The following NCOR2 variants were observed in gnomAD, a reference collection of about 807,000 sequenced individuals.
NCOR2 encodes nuclear receptor corepressor 2.
A neutral mutation model predicts 262.9 loss-of-function variants in NCOR2; 81 were observed. The observed-to-expected ratio is 0.31, with a 90% CI of 0.26 to 0.37. NCOR2 has a LOEUF of 0.37. Ranked by LOEUF, NCOR2 falls within the 10% of genes least tolerant of loss-of-function variation. The pLI is 1.00. For synonymous variants in NCOR2, 1,659 were observed against 1,559.3 expected, an observed-to-expected ratio of 1.06 and a Z score of -1.51; for missense variants, 3,385 against 3,621.4, an observed-to-expected ratio of 0.93 and a Z score of 1.68.
At chr12:124,358,204 G>A (rs1486519516) in intron 22 of NCOR2, among the ~76,000 whole-genome samples, 4 of 148,490 alleles carry the variant, frequency 2.7e-5, no homozygotes, top group Admixed American at 6.7e-5. Flanking sequence ...GTGTGTGCGC[G>A]TGCATGTGCA....
At chr12:124,462,925 C>T (rs541839449) in intron 5 of NCOR2, among the ~76,000 whole-genome samples, 7 of 152,272 alleles carry the variant, frequency 4.6e-5, no homozygotes, top group South Asian at 2.1e-4. Flanking sequence ...TGCTGATTTC[C>T]GCATTACTCA....
intron 8 of NCOR2, among the ~76,000 whole-genome samples, chr12:124,431,384 G>A (rs1277397343): frequency 6.7e-6 from 1 of 149,046 alleles, no homozygotes; most frequent in East Asian, 2.0e-4. Context: ...CAGTCACATG[G>A]CAGACACACA....
intron 5 of NCOR2, among the ~76,000 whole-genome samples, chr12:124,464,914 G>A (rs1274076431): frequency 1.3e-5 from 2 of 152,218 alleles, no homozygotes; most frequent in African/African-American, 4.8e-5. Context: ...CTTGGGGTGA[G>A]GGGTCAGGGT....
At chr12:124,346,608 G>A in exon 31 of NCOR2, 1 of 1,589,200 alleles carries the variant, frequency 6.3e-7, no homozygotes. Flanking sequence ...GCCAGGGGCA[G>A]CTCGGGCGTG....
At chr12:124,470,185 G>C (rs1204217850) in intron 4 of NCOR2, among the ~76,000 whole-genome samples, 1 of 142,086 alleles carries the variant, frequency 7.0e-6, no homozygotes, top group African/African-American at 2.6e-5. Context: ...AAAAAAAAAA[G>C]CTGGGGGGCG....
chr12:124,354,514 C>T lies in NCOR2; in HGVS notation c.3553G>A (p.Gly1185Arg), dbSNP rs373657866. Residue 1185 changes from glycine to arginine, a missense_variant, in exon 26 of 47, where the codon GGG becomes AGG. By Grantham distance (125) the Gly-to-Arg change is moderately radical. Around this residue, in one of 5 missense-constraint regions of NCOR2, gnomAD observed 1,615 missense variants for 1,626.9 expected, o/e 0.99. Transcript: ENST00000405201. ...GACGCCTCCTGGGCTGTGGGCACCC[C>T]CAGGCTCTCCGGTGGCCCAGCCTGG... 9 of 1,593,494 alleles carry T rather than the reference C, an allele frequency of 5.6e-6. No individual in the cohort carries two copies. The highest frequency in any genetic ancestry group is 2.3e-5 in the East Asian group (1 of 44,392).
chr12:124,347,970 G>A, intron 29 of NCOR2, 59 bp from the exon 32 acceptor site: 1 of 1,516,092 alleles, frequency 6.6e-7, no homozygotes, highest in Non-Finnish European at 8.9e-7. Flanking sequence ...ACTGGGCAGT[G>A]ACAGGGGTCA....
chr12:124,505,202 A>G (rs1445769295), intron 1 of NCOR2, among the ~76,000 whole-genome samples: 2 of 152,116 alleles, frequency 1.3e-5, no homozygotes, highest in African/African-American at 4.8e-5. Context: ...GTTGGACTCA[A>G]TGGGGCAGGT....
intron 11 of NCOR2, among the ~76,000 whole-genome samples, chr12:124,425,659 G>C (rs1374550784): frequency 2.6e-5 from 4 of 152,194 alleles, no homozygotes; most frequent in Non-Finnish European, 5.9e-5. Flanking sequence ...GATTCTCACT[G>C]TGGGGTTTGG....
chr12:124,529,576 T>C (rs11057656), intron 1 of NCOR2: 4,027 of 152,372 alleles, frequency 0.026, 95 homozygotes, highest in Non-Finnish European at 0.041. Flanking sequence ...TCTCAACCAC[T>C]GCAGCCGGAC....
chr12:124,408,871 C>T lies in NCOR2; in HGVS notation c.1483-6310G>A, dbSNP rs150897192. 3.9e-5 allele frequency among the ~76,000 whole-genome samples: 6 copies of T among 152,326 alleles called. 1 individual carries two copies. The Middle Eastern group carries it at 0.01, about 259-fold the overall frequency. On this transcript the variant is annotated intron_variant, in intron 13 of 46. Coordinates refer to ENST00000405201, the Ensembl canonical transcript of NCOR2. ...GTCATCCGTGCCGTGGAGGTGACTT[C>T]CGCCAACTCCATGCACAGGGTGAGA...
At chr12:124,539,056 G>A (rs2137204322), upstream of NCOR2, 1 of 152,372 alleles carries the variant, frequency 6.6e-6, no homozygotes, top group Middle Eastern at 3.4e-3. This position sits in a 1 kb window ranked among gnomAD's most constrained non-coding sequence, Gnocchi z 5.1. Flanking sequence ...TGGAGTCGAG[G>A]CTGCTCCAGC....
intron 13 of NCOR2, among the ~76,000 whole-genome samples, chr12:124,411,914 C>A (rs1448895813): frequency 6.6e-6 from 1 of 152,122 alleles, no homozygotes; most frequent in African/African-American, 2.4e-5. Flanking sequence ...TGTGGGGTCT[C>A]ATGGGGGTGG....
chr12:124,455,402 G>A (rs930039251), intron 6 of NCOR2, among the ~76,000 whole-genome samples: 1 of 152,224 alleles, frequency 6.6e-6, no homozygotes, highest in Non-Finnish European at 1.5e-5. Context: ...AGGGGGCAGA[G>A]CCCTGAAGGG....
In NCOR2 at chr12:124,378,488, G is replaced by A. The variant is rs879369994; in HGVS notation, c.2020-104C>T. The A allele has an allele frequency of 1.6e-5, 20 of 1,219,334 alleles. No individual in the cohort carries two copies. Among genetic ancestry groups the A allele is most frequent in the East Asian group, 2.6e-5 (1 of 38,930 alleles). 75.5% of individuals were successfully genotyped at this position (1,219,334 alleles called of 1,614,324 possible). On this transcript the variant is annotated intron_variant, in intron 17 of 46. Coordinates refer to ENST00000405201, the Ensembl canonical transcript of NCOR2. This position sits in a 1 kb window ranked among gnomAD's most constrained non-coding sequence, Gnocchi z 4.2. ...CGCAGGTGCAAAGGGCAGTGATCCCGGCCATGTAGCAATGAGGGTGACCGT... is the reference window on the plus strand; with the variant it reads ...CGCAGGTGCAAAGGGCAGTGATCCCAGCCATGTAGCAATGAGGGTGACCGT...
chr12:124,449,739 A>T, intron 7 of NCOR2, 76 bp downstream of exon 9: 2 of 1,537,084 alleles, frequency 1.3e-6, no homozygotes, highest in Non-Finnish European at 1.8e-6. Flanking sequence ...CACGTCCCAC[A>T]TCCCATGCAG....
chr12:124,458,391 G>A (rs2045990786), intron 5 of NCOR2, among the ~76,000 whole-genome samples: 1 of 152,180 alleles, frequency 6.6e-6, no homozygotes, highest in Non-Finnish European at 1.5e-5. Context: ...GTATGTAGGT[G>A]GGCTCAAGCT....
At chr12:124,449,174 T>C (rs996318635) in intron 7 of NCOR2, among the ~76,000 whole-genome samples, 19 of 152,150 alleles carry the variant, frequency 1.2e-4, no homozygotes, top group Non-Finnish European at 5.9e-5. Flanking sequence ...CGCTTGAAGA[T>C]ACAATGCTAC....
In NCOR2 at chr12:124,354,207, C is replaced by T; in HGVS notation, c.3590-11G>A. On this transcript the variant is annotated splice_polypyrimidine_tract_variant and intron_variant, in intron 26 of 46. Coordinates refer to ENST00000405201, the Ensembl canonical transcript of NCOR2. ...AGCCCAGAGCTGTCCCTGGAAGACA[C>T]AAGATGTGGGGCTGAGGGCGTGTCT... 1.3e-6 allele frequency: 2 copies of T among 1,585,862 alleles called. No homozygotes were observed. The highest frequency in any genetic ancestry group is 1.7e-6 in the Non-Finnish European group (2 of 1,169,470).
Sources: gnomAD v4.1 joint callset for allele counts (sites outside exome capture counted in the v4.1 genomes callset) on GRCh38, gnomAD v4.1.1 for gene constraint, gnomAD v4.1.1 regional missense constraint, Gnocchi (gnomAD v3.1) non-coding constraint, MANE v1.5 for transcripts, NCBI Gene and HGNC (gene_info 2026-07-23, HGNC 2026-07-21) for gene names.